MYO3A: variants seen among roughly 807,000 people sequenced by gnomAD.
MYO3A encodes the protein myosin-IIIa.
Under a neutral mutation model 192.7 loss-of-function variants are expected in MYO3A, and 180 were observed. The observed-to-expected ratio is 0.93, with a 90% CI of 0.83 to 1.06. The LOEUF (loss-of-function observed/expected upper bound fraction) is 1.06. Among genes scored for constraint, MYO3A ranks in the 50% least tolerant of loss-of-function variants. The pLI, the probability that MYO3A is intolerant of heterozygous loss-of-function variation, is 0.00. For synonymous variants in MYO3A, 628 were observed against 645.3 expected (o/e 0.97, Z 0.41); for missense variants, 1,896 against 1,905.0 (o/e 1.00, Z 0.09).
At chr10:26,157,153 G>T (rs1369324055) in intron 25 of MYO3A, among the ~76,000 whole-genome samples, 157 bp from the exon 26 acceptor site, 1 of 152,062 alleles carries the variant, frequency 6.6e-6, no homozygotes, top group African/African-American at 2.4e-5. Flanking sequence ...TAAATAAAAT[G>T]TTCATTAAAA....
At chr10:25,991,280 T>C (rs1315468675) in intron 4 of MYO3A, among the ~76,000 whole-genome samples, 1 of 152,266 alleles carries the variant, frequency 6.6e-6, no homozygotes, top group Non-Finnish European at 1.5e-5. Flanking sequence ...TGAGCATTTT[T>C]TCATGTGTCT....
At chr10:26,063,876 T>C (rs1234821428) in intron 10 of MYO3A, among the ~76,000 whole-genome samples, 1 of 152,182 alleles carries the variant, frequency 6.6e-6, no homozygotes, top group Non-Finnish European at 1.5e-5. Flanking sequence ...AAAGACAGAT[T>C]GTGTAATGTT....
In MYO3A at chr10:26,166,080, T is replaced by C. The variant is rs750617404; in HGVS notation, c.3013T>C (p.Cys1005Arg). 1 of 1,614,166 alleles carries C rather than the reference T, an allele frequency of 6.2e-7. No individual in the cohort carries two copies. The highest frequency in any genetic ancestry group is 1.7e-4 in the Middle Eastern group (1 of 6,036). The change falls in exon 27 of 35, where the codon TGC becomes CGC. Residue 1005 changes from cysteine to arginine, a missense_variant. Cys to Arg is a radical substitution (Grantham distance 180). Transcript: ENST00000642920. ...ANFIKRYYLL[C>R]YKSSEEPRMS... ...TTCCATTCCAAGGTACTACCTTCTCTGCTACAAGTCGAGCGAGGAGCCCCG... is the reference window on the plus strand; with the variant it reads ...TTCCATTCCAAGGTACTACCTTCTCCGCTACAAGTCGAGCGAGGAGCCCCG...
intron 18 of MYO3A, 40 bp downstream of exon 18, chr10:26,120,842 A>C: frequency 1.2e-6 from 2 of 1,609,250 alleles, no homozygotes; most frequent in Non-Finnish European, 1.7e-6. Context: ...GAAATCTTTC[A>C]AATCTTATGA....
At chr10:26,052,928 A>G (rs1316551760) in intron 10 of MYO3A, among the ~76,000 whole-genome samples, 1 of 152,186 alleles carries the variant, frequency 6.6e-6, no homozygotes, top group Non-Finnish European at 1.5e-5. Context: ...GAAAATATTT[A>G]TAGTCTGAAA....
rs962335620 is a variant in MYO3A, at chr10:26,157,433, C to T, written c.2917C>T (p.Arg973Trp). 1.1e-5 allele frequency: 18 copies of T among 1,614,012 alleles called. No individual in the cohort carries two copies. The highest frequency in any genetic ancestry group is 2.2e-5 in the East Asian group (1 of 44,890). ...YDKEKVLLQLRYTGILETARI... is the reference protein window; with the variant it reads ...YDKEKVLLQLWYTGILETARI... ...CAAAGAGAAAGTTCTGCTACAGCTT[C>T]GGTACACAGGAATTCTGGAAACAGC... The change falls in exon 26 of 35, where the codon CGG (arginine) becomes TGG (tryptophan). Residue 973 changes from arginine to tryptophan, a missense_variant. By Grantham distance (101) the Arg-to-Trp change is moderately radical. Coordinates refer to ENST00000642920, the MANE Select transcript of MYO3A (RefSeq NM_017433.5).
intron 4 of MYO3A, among the ~76,000 whole-genome samples, chr10:25,983,718 C>T (rs1839477675): frequency 6.6e-6 from 1 of 152,154 alleles, no homozygotes; most frequent in Non-Finnish European, 1.5e-5. Context: ...CCCAGCCTTG[C>T]TAGAGATCTA....
intron 14 of MYO3A, among the ~76,000 whole-genome samples, chr10:26,086,142 A>C (rs998569861): frequency 6.6e-6 from 1 of 152,172 alleles, no homozygotes; most frequent in Non-Finnish European, 1.5e-5. Flanking sequence ...TCACAGCTCC[A>C]CATGGCTGGG....
At chr10:26,068,127 A>G (rs1163112147) in intron 11 of MYO3A, among the ~76,000 whole-genome samples, 2 of 152,112 alleles carry the variant, frequency 1.3e-5, no homozygotes, top group Non-Finnish European at 2.9e-5. Context: ...TTGTTGACCA[A>G]GATATTAATA....
At chr10:26,027,739 T>C (rs146612730) in intron 10 of MYO3A, among the ~76,000 whole-genome samples, 1 of 152,218 alleles carries the variant, frequency 6.6e-6, no homozygotes, top group Non-Finnish European at 1.5e-5. Context: ...ATCCATATAA[T>C]TAAACATTCT....
intron 7 of MYO3A, among the ~76,000 whole-genome samples, chr10:26,017,917 A>G (rs949962693): frequency 1.3e-5 from 2 of 150,820 alleles, no homozygotes; most frequent in Non-Finnish European, 1.5e-5. Context: ...CCAAAAAATT[A>G]CAAAAATGAG....
At chr10:26,109,821 T>G (rs1838049957) in intron 17 of MYO3A, among the ~76,000 whole-genome samples, 1 of 152,214 alleles carries the variant, frequency 6.6e-6, no homozygotes. Context: ...ATTGCTACTC[T>G]GTTTCTAGAG....
intron 15 of MYO3A, 43 bp downstream of exon 15, chr10:26,088,448 G>A (rs376661164): frequency 5.5e-5 from 85 of 1,543,992 alleles, no homozygotes; most frequent in African/African-American, 8.2e-5. Context: ...GGAAGCAGAA[G>A]CAAACATAAT....
intron 10 of MYO3A, among the ~76,000 whole-genome samples, chr10:26,041,931 G>A (rs1212913025): frequency 1.3e-5 from 2 of 152,036 alleles, no homozygotes; most frequent in Non-Finnish European, 2.9e-5. Flanking sequence ...ACCTTAAAAT[G>A]ATTTCTTATT....
chr10:26,157,359 T>G lies in MYO3A; in HGVS notation c.2843T>G (p.Phe948Cys). The G allele has an allele frequency of 6.2e-7, 1 of 1,614,176 alleles. No individual in the cohort carries two copies. Among genetic ancestry groups the G allele is most frequent in the East Asian group, 2.2e-5 (1 of 44,866 alleles). ...AAAATGGTGGTGGGCCAACCTCATT[T>G]TGTCCGTTGCATCAAACCAAATAGT... ...LSKMVVGQPH[F>C]VRCIKPNSER... is the part of the protein sequence containing the mutation. The change falls in exon 26 of 35, where the codon TTT (phenylalanine) becomes TGT (cysteine). Residue 948 changes from phenylalanine to cysteine, a missense_variant. Coordinates refer to ENST00000642920, the MANE Select transcript of MYO3A (RefSeq NM_017433.5).
At chr10:25,951,357 A>T (rs1837197885) in intron 2 of MYO3A, among the ~76,000 whole-genome samples, 1 of 152,092 alleles carries the variant, frequency 6.6e-6, no homozygotes, top group African/African-American at 2.4e-5. Context: ...TGGAGTACCG[A>T]GGTGGTGCAT....
chr10:25,987,515 G>GA (rs935607458), intron 4 of MYO3A, among the ~76,000 whole-genome samples: 2 of 151,338 alleles, frequency 1.3e-5, no homozygotes, highest in African/African-American at 4.9e-5. Context: ...AAATCAGCAA[G>GA]AAAAAAAATC....
intron 22 of MYO3A, 94 bp from the exon 23 acceptor site, chr10:26,147,336 A>C (rs1840529336): frequency 1.2e-5 from 15 of 1,300,232 alleles, no homozygotes; most frequent in Non-Finnish European, 1.7e-5. Context: ...GAGTAAGCTC[A>C]TAATGAGTAT....
At chr10:26,086,266 A>G (rs1479850873) in intron 14 of MYO3A, among the ~76,000 whole-genome samples, 3 of 152,124 alleles carry the variant, frequency 2.0e-5, no homozygotes, top group East Asian at 1.9e-4. Flanking sequence ...TTAAACCATC[A>G]GGTCTCATGA....
Sources: allele counts gnomAD v4.1 joint callset (sites outside exome capture counted in the v4.1 genomes callset), GRCh38; gene constraint gnomAD v4.1.1; transcripts MANE v1.5; gene names NCBI Gene and HGNC (gene_info 2026-07-23, HGNC 2026-07-21).